PXN: variants seen among roughly 807,000 people sequenced by gnomAD.
The protein encoded by PXN is paxillin.
PXN carries 61 observed loss-of-function variants against 103.6 expected under a neutral mutation model. That is an observed-to-expected ratio of 0.59 (90% confidence interval 0.48 to 0.73). The LOEUF is 0.73. Among genes scored for constraint, PXN ranks in the 30% least tolerant of loss-of-function variants. The pLI is 0.00. For synonymous variants in PXN, 562 were observed against 607.8 expected (o/e 0.92, Z 1.11); for missense variants, 1,274 against 1,460.3 (o/e 0.87, Z 2.08).
intron 1 of PXN, among the ~76,000 whole-genome samples, chr12:120,253,907 G>A (rs1181703090): frequency 1.3e-5 from 2 of 152,120 alleles, no homozygotes; most frequent in Non-Finnish European, 2.9e-5. Context: ...TTGAGATCGA[G>A]TCTTTCTCTG....
chr12:120,244,817 G>C (rs1890780570), intron 1 of PXN, among the ~76,000 whole-genome samples: 2 of 151,536 alleles, frequency 1.3e-5, no homozygotes, highest in Non-Finnish European at 2.9e-5. Context: ...GCGAGACTCT[G>C]TCTCAAAACA....
chr12:120,218,989 A>G (rs1259390560), intron 7 of PXN, among the ~76,000 whole-genome samples: 2 of 152,222 alleles, frequency 1.3e-5, no homozygotes, highest in Non-Finnish European at 2.9e-5. Context: ...GAAAGGAAAA[A>G]GCCTCAACAA....
In PXN at chr12:120,223,108, TC is replaced by T. The variant is rs1434728235; in HGVS notation, c.357-110del. On this transcript the variant is annotated intron_variant, in intron 3 of 14. Transcript: ENST00000637617. ...ACAAGGCAGAGGAGATGCGAAGTCT[TC>T]CCCCGCAAGAGGACAGAGGGTAGGG... 6.4e-6 allele frequency: 10 copies of T among 1,559,248 alleles called. No homozygotes were observed. The East Asian group carries it at 2.3e-4, about 35-fold the overall frequency.
rs546278747 is a variant in PXN at position 120,224,341 on chromosome 12, T to C, written c.50A>G (p.His17Arg). ...CAAGAACACAGGCCGTTTGGAGATGTGGGAGGTGGTAGACTCCAAGTCCGC... is the reference window on the plus strand; with the variant it reads ...CAAGAACACAGGCCGTTTGGAGATGCGGGAGGTGGTAGACTCCAAGTCCGC... ...LLADLESTTS[H>R]ISKRPVFLSE... The change falls in exon 2 of 15, where the codon CAC becomes CGC. Residue 17 changes from histidine to arginine, a missense_variant. Physicochemically the swap from His to Arg is conservative, Grantham distance 29. Around this residue, in one of 2 missense-constraint regions of PXN, gnomAD observed 1,178 missense variants for 1,309.0 expected, o/e 0.90. Transcript: ENST00000637617. This position sits in a 1 kb window ranked among gnomAD's most constrained non-coding sequence, Gnocchi z 5.0. 6.2e-7 allele frequency: 1 copy of C among 1,613,972 alleles called. No individual in the cohort carries two copies. The highest frequency in any genetic ancestry group is 1.1e-5 in the South Asian group (1 of 91,088).
At chr12:120,259,347 G>A (rs1229097840) in intron 1 of PXN, among the ~76,000 whole-genome samples, 1 of 152,030 alleles carries the variant, frequency 6.6e-6, no homozygotes, top group Non-Finnish European at 1.5e-5. Flanking sequence ...AGCCAAGATC[G>A]CGCTGCTGCA....
At chr12:120,218,972 C>T (rs1884162327) in intron 7 of PXN, among the ~76,000 whole-genome samples, 2 of 152,336 alleles carry the variant, frequency 1.3e-5, no homozygotes, top group South Asian at 4.1e-4. Context: ...TCAAGGACAG[C>T]TCATCTGAAA....
intron 3 of PXN, among the ~76,000 whole-genome samples, chr12:120,223,320 G>A (rs541252371): frequency 1.3e-5 from 2 of 152,248 alleles, no homozygotes; most frequent in East Asian, 3.9e-4. Flanking sequence ...TGTAGTCCCA[G>A]CTACTTGGGA....
chr12:120,230,246 C>T (rs1021268298), intron 1 of PXN, among the ~76,000 whole-genome samples: 5 of 152,292 alleles, frequency 3.3e-5, no homozygotes, highest in South Asian at 4.1e-4. Context: ...GGGCCTTCCC[C>T]GCAGCCCTGG....
chr12:120,238,722 T>C (rs1889589379), intron 1 of PXN, among the ~76,000 whole-genome samples: 1 of 152,224 alleles, frequency 6.6e-6, no homozygotes, highest in Admixed American at 6.5e-5. Flanking sequence ...GAGGGGAAAC[T>C]GGGTGACTGT....
chr12:120,217,019 CT>C lies in PXN; in HGVS notation c.1813del (p.Ser605AlafsTer38). The C allele has an allele frequency of 6.3e-7, 1 of 1,579,176 alleles. No individual in the cohort carries two copies. The highest frequency in any genetic ancestry group is 8.5e-7 in the Non-Finnish European group (1 of 1,171,060). The part of the protein sequence containing the change: ...PRRRLDPATL[S>X]RTPSQEQLIA... ...GAGCTGTTCCTGGGATGGGGTCCTG[CT>C]CAAGGTGGCAGGGTCCAGCCGGCGG... On this transcript the variant is annotated frameshift_variant, in exon 8 of 15. Coordinates refer to ENST00000637617, the MANE Select transcript of PXN (RefSeq NM_001385981.1). LOFTEE classifies it high-confidence loss of function. This position sits in a 1 kb window ranked among gnomAD's most constrained non-coding sequence, Gnocchi z 4.1.
Position 120,265,672 on chromosome 12 carries a change from G to A in PXN, c.-43C>T, listed in dbSNP as rs1409091414. The A allele has an allele frequency of 1.9e-5, 28 of 1,439,140 alleles. No individual in the cohort carries two copies. The highest frequency in any genetic ancestry group is 3.0e-5 in the African/African-American group (2 of 67,348). The allele number at this position is 1,439,140 out of a possible 1,614,324, so 89.1% of individuals were successfully genotyped here. ...CGGCTCAGGGTCGCGCTAGCTGCCC[G>A]TCCCGGGGCCGCTCGTCTATGCCCC... On this transcript the variant is annotated 5_prime_UTR_variant, in exon 1 of 15. The change creates a new upstream start codon in the 5' untranslated region. Transcript: ENST00000637617. The surrounding 1 kb of genome is among the most constrained non-coding windows in gnomAD (Gnocchi z 5.7).
chr12:120,222,639 G>C lies in PXN; in HGVS notation c.605C>G (p.Pro202Arg). 1 of 1,609,622 alleles carries C rather than the reference G, an allele frequency of 6.2e-7. No homozygotes were observed. Among genetic ancestry groups the C allele is most frequent in the Non-Finnish European group, 8.5e-7 (1 of 1,178,206 alleles). Reference protein sequence around the residue: ...GKAGPLTKEKPKRNGGRGLED... With the variant: ...GKAGPLTKEKRKRNGGRGLED... ...CAGGCCCCGGCCCCCATTCCGCTTAGGCTTCTCTTTCGTCAGGGGCCCAGC... is the reference window on the plus strand; with the variant it reads ...CAGGCCCCGGCCCCCATTCCGCTTACGCTTCTCTTTCGTCAGGGGCCCAGC... The change falls in exon 5 of 15, where the codon CCT (proline) becomes CGT (arginine). Residue 202 changes from proline (P) to arginine (R), a missense_variant. Around this residue, in one of 2 missense-constraint regions of PXN, gnomAD observed 1,178 missense variants for 1,309.0 expected, o/e 0.90. Coordinates refer to ENST00000637617, the MANE Select transcript of PXN (RefSeq NM_001385981.1). This position sits in a 1 kb window ranked among gnomAD's most constrained non-coding sequence, Gnocchi z 4.7.
At chr12:120,246,514 CAAAAAAA>C (rs139689226) in intron 1 of PXN, among the ~76,000 whole-genome samples, 1,244 of 58,346 alleles carry the variant, frequency 0.021, 22 homozygotes, top group African/African-American at 0.063. Context: ...GACTCTGTCT[CAAAAAAA>C]AAAAAAAAAA....
chr12:120,222,671 T>C lies in PXN; in HGVS notation c.573A>G (p.Gly191=). Residue 191 remains glycine, a synonymous_variant, in exon 5 of 15, where the codon GGA becomes GGG. Coordinates refer to ENST00000637617, the MANE Select transcript of PXN (RefSeq NM_001385981.1). The surrounding 1 kb of genome is among the most constrained non-coding windows in gnomAD (Gnocchi z 4.7). ...CTTTCGTCAGGGGCCCAGCTTTGCC[T>C]CCCAAGGGGCTGTTAGTCTCTGGGA... is the stretch of plus-strand genomic sequence containing the variant. ...YGVPETNSPL[G]GKAGPLTKEK... 2.5e-6 allele frequency: 4 copies of C among 1,608,774 alleles called. No homozygotes were observed. Among genetic ancestry groups the C allele is most frequent in the Non-Finnish European group, 3.4e-6 (4 of 1,177,790 alleles).
Position 120,229,052 on chromosome 12 carries a change from G to A in PXN, c.14-4675C>T, listed in dbSNP as rs1337164000. 3.3e-5 allele frequency among the ~76,000 whole-genome samples: 5 copies of A among 152,286 alleles called. No homozygotes were observed. Among genetic ancestry groups the A allele is most frequent in the South Asian group, 2.1e-4 (1 of 4,828 alleles). ...CCACTGCTCCGAGGAGGAGGGGACCGGTTCGCCTGCATTCCAGGGCAAGTG... is the reference window on the plus strand; with the variant it reads ...CCACTGCTCCGAGGAGGAGGGGACCAGTTCGCCTGCATTCCAGGGCAAGTG... On this transcript the variant is annotated intron_variant, in intron 1 of 14. Transcript: ENST00000637617. This position sits in a 1 kb window ranked among gnomAD's most constrained non-coding sequence, Gnocchi z 4.0.
rs941908626 is a variant in PXN at position 120,228,983 on chromosome 12, ACCGGTGGGAG to A, written c.14-4616_14-4607del. Among the ~76,000 whole-genome samples, 13 of 152,134 alleles carry A rather than the reference ACCGGTGGGAG, an allele frequency of 8.5e-5. No individual in the cohort carries two copies. Among genetic ancestry groups the A allele is most frequent in the African/African-American group, 3.1e-4 (13 of 41,422 alleles). ...CAACTGACTGAGCGTAATCCTTACA[ACCGGTGGGAG>A]CCGCTGGAGGGTTAAGGTACAGACA... On this transcript the variant is annotated intron_variant, in intron 1 of 14. Transcript: ENST00000637617. This position sits in a 1 kb window ranked among gnomAD's most constrained non-coding sequence, Gnocchi z 4.7.
Position 120,216,897 on chromosome 12 carries a change from C to T in PXN, c.1936G>A (p.Val646Ile), listed in dbSNP as rs771071723. The T allele has an allele frequency of 7.0e-5, 106 of 1,515,938 alleles. No individual in the cohort carries two copies. Among genetic ancestry groups the T allele is most frequent in the Non-Finnish European group, 8.5e-5 (97 of 1,136,126 alleles). 93.9% of individuals were successfully genotyped at this position (1,515,938 alleles called of 1,614,324 possible). ...CCACGTGGCTGCACAGTGATGATGA[C>T]GCCCTCGGTCAGCCAGTCCTGGGCA... ...PSAQDWLTEGVIITVQPRGKR... is the reference protein window; with the variant it reads ...PSAQDWLTEGIIITVQPRGKR... Residue 646 changes from valine to isoleucine, a missense_variant, in exon 8 of 15, where the codon GTC becomes ATC. By Grantham distance (29) the Val-to-Ile change is conservative (BLOSUM62 3). This residue lies in a region of PXN where 1,178 missense variants were observed against 1,309.0 expected (regional missense o/e 0.90). Transcript: ENST00000637617. The surrounding 1 kb of genome is among the most constrained non-coding windows in gnomAD (Gnocchi z 5.1).
chr12:120,244,528 G>A (rs1323394739), intron 1 of PXN, among the ~76,000 whole-genome samples: 1 of 151,910 alleles, frequency 6.6e-6, no homozygotes, highest in African/African-American at 2.4e-5. Context: ...GGCGCCTGTA[G>A]TCCCAGCTAC....
intron 1 of PXN, among the ~76,000 whole-genome samples, chr12:120,247,986 A>G (rs1023294619): frequency 1.3e-5 from 2 of 152,222 alleles, no homozygotes; most frequent in Non-Finnish European, 2.9e-5. Context: ...CACCCACTCA[A>G]CAACAGAGCT....
Sources: gnomAD v4.1 joint callset for allele counts (sites outside exome capture counted in the v4.1 genomes callset) on GRCh38, gnomAD v4.1.1 for gene constraint, gnomAD v4.1.1 regional missense constraint, Gnocchi (gnomAD v3.1) non-coding constraint, MANE v1.5 for transcripts, NCBI Gene and HGNC (gene_info 2026-07-23, HGNC 2026-07-21) for gene names.